Variants in ADCY9 observed in about 807,000 individuals in gnomAD.
ADCY9 encodes the protein adenylate cyclase type 9.
ADCY9 carries 50 observed loss-of-function variants against 101.5 expected under a neutral mutation model. The ratio of observed to expected loss-of-function variants is 0.49; its 90% CI spans 0.39 to 0.62. The LOEUF (loss-of-function observed/expected upper bound fraction) is 0.62. Ranked by LOEUF, ADCY9 falls within the 20% of genes least tolerant of loss-of-function variation. The pLI, the probability that ADCY9 is intolerant of heterozygous loss-of-function variation, is 0.00. For missense variants in ADCY9, 1,662 were observed against 1,800.4 expected, an observed-to-expected ratio of 0.92 and a Z score of 1.39; for synonymous variants, 905 against 769.3, an observed-to-expected ratio of 1.18 and a Z score of -2.92.
At chr16:3,987,652 AGGCTGACGGAAGGG>A (rs2056205034) in intron 6 of ADCY9, among the ~76,000 whole-genome samples, 1 of 152,190 alleles carries the variant, frequency 6.6e-6, no homozygotes, top group Admixed American at 6.5e-5. Flanking sequence ...TGTCCCTTGG[AGGCTGACGGAAGGG>A]GGCACCTCCC....
intron 2 of ADCY9, among the ~76,000 whole-genome samples, chr16:4,044,323 A>G (rs1436266952): frequency 2.0e-5 from 3 of 152,058 alleles, no homozygotes; most frequent in Non-Finnish European, 4.4e-5. Flanking sequence ...CTCCATCCTG[A>G]GCAACAGAGT....
chr16:4,041,941 T>TTG, intron 2 of ADCY9, among the ~76,000 whole-genome samples: 1 of 148,860 alleles, frequency 6.7e-6, no homozygotes, highest in African/African-American at 2.5e-5. Flanking sequence ...TTTTTTTTTT[T>TTG]GAGACGGAGT....
chr16:4,024,611 C>A (rs116858396), intron 2 of ADCY9, among the ~76,000 whole-genome samples: 2 of 152,126 alleles, frequency 1.3e-5, no homozygotes, highest in South Asian at 4.2e-4. Context: ...CGAATGGCTC[C>A]GGAGGTGTCA....
At chr16:4,088,795 T>C (rs1180952929) in intron 2 of ADCY9, among the ~76,000 whole-genome samples, 1 of 152,082 alleles carries the variant, frequency 6.6e-6, no homozygotes, top group Non-Finnish European at 1.5e-5. Flanking sequence ...GTCTGGTAGG[T>C]TCGCTTTTCA....
intron 3 of ADCY9, among the ~76,000 whole-genome samples, chr16:3,996,185 A>G (rs1597153442): frequency 6.6e-6 from 1 of 152,080 alleles, no homozygotes; most frequent in Non-Finnish European, 1.5e-5. Context: ...ACATAGGGAG[A>G]CCTTGTCTCT....
At chr16:4,021,535 G>C (rs984571144) in intron 2 of ADCY9, among the ~76,000 whole-genome samples, 1 of 152,174 alleles carries the variant, frequency 6.6e-6, no homozygotes, top group Non-Finnish European at 1.5e-5. Context: ...GCACACTGTA[G>C]ATACACGAGC....
chr16:3,993,332 C>G, intron 4 of ADCY9, 74 bp downstream of exon 4: 1 of 1,588,246 alleles, frequency 6.3e-7, no homozygotes, highest in Non-Finnish European at 8.6e-7. Context: ...AAGAAGTCGA[C>G]AAGACAGGAA....
chr16:3,987,346 A>G (rs879436529), intron 6 of ADCY9, among the ~76,000 whole-genome samples: 2 of 152,238 alleles, frequency 1.3e-5, no homozygotes, highest in African/African-American at 2.4e-5. Flanking sequence ...GGAGGAAGGC[A>G]TGGCAAAGGT....
At chr16:4,069,330 C>T (rs965282686) in intron 2 of ADCY9, among the ~76,000 whole-genome samples, 4 of 150,550 alleles carry the variant, frequency 2.7e-5, no homozygotes, top group African/African-American at 9.8e-5. Context: ...GCCCACCGCA[C>T]ACTAGCTGCA....
intron 10 of ADCY9, among the ~76,000 whole-genome samples, chr16:3,972,362 T>C (rs1390989131): frequency 6.6e-6 from 1 of 151,954 alleles, no homozygotes; most frequent in Non-Finnish European, 1.5e-5. Flanking sequence ...CCCGAGTAGC[T>C]GGGATTACAG....
chr16:3,957,777 T>G (rs1567408709), downstream of ADCY9, among the ~76,000 whole-genome samples: 1 of 151,996 alleles, frequency 6.6e-6, no homozygotes, highest in Non-Finnish European at 1.5e-5. Flanking sequence ...CCCCCGGGCG[T>G]CCTGAGCAGA....
At position 4,056,046 on chromosome 16, in the gene ADCY9, C is replaced by T. The variant is rs554768485; in HGVS notation, c.1694-48488G>A. The stretch of plus-strand genomic sequence containing the variant: ...ATAGACAGGCAGTGCTGGAAACACA[C>T]ATGCAGGGAGCTCCCAGCCGGTGTT... On this transcript the variant is annotated intron_variant, in intron 2 of 10. Coordinates refer to ENST00000294016, the MANE Select transcript of ADCY9 (RefSeq NM_001116.4). 5.3e-5 allele frequency among the ~76,000 whole-genome samples: 8 copies of T among 152,302 alleles called. 2 individuals are homozygous for T. Among genetic ancestry groups the T allele is most frequent in the African/African-American group, 1.9e-4 (8 of 41,576 alleles).
intron 2 of ADCY9, among the ~76,000 whole-genome samples, chr16:4,019,428 C>G (rs1436131243): frequency 6.6e-6 from 1 of 152,216 alleles, no homozygotes; most frequent in East Asian, 1.9e-4. Flanking sequence ...TTAAGAAAAT[C>G]CCATTGAAGT....
At chr16:4,000,767 G>A (rs1220093895) in intron 3 of ADCY9, among the ~76,000 whole-genome samples, 1 of 152,002 alleles carries the variant, frequency 6.6e-6, no homozygotes, top group Non-Finnish European at 1.5e-5. Context: ...GGCTGGTGAT[G>A]GCGATCCGAG....
chr16:4,001,378 G>A (rs570165823), intron 3 of ADCY9, among the ~76,000 whole-genome samples: 17 of 152,316 alleles, frequency 1.1e-4, no homozygotes, highest in African/African-American at 3.6e-4. Flanking sequence ...CTTTCTCAGA[G>A]CAGACTGAGG....
chr16:3,998,655 G>A (rs1314863291), intron 3 of ADCY9, among the ~76,000 whole-genome samples: 1 of 136,178 alleles, frequency 7.3e-6, no homozygotes, highest in Non-Finnish European at 1.5e-5. Context: ...GTTCCAGTGA[G>A]CCGAGATGGT....
exon 6 of ADCY9, chr16:3,953,459 C>A (rs1220892590): frequency 6.7e-6 from 1 of 148,310 alleles, no homozygotes; most frequent in Admixed American, 6.6e-5. Context: ...CACGGCAACT[C>A]TCTTCCTGTG....
At chr16:4,050,798 C>A (rs142979319) in intron 2 of ADCY9, among the ~76,000 whole-genome samples, 1 of 151,668 alleles carries the variant, frequency 6.6e-6, no homozygotes, top group East Asian at 1.9e-4. Context: ...CGTGAACACA[C>A]CTAATACTTA....
At chr16:4,035,750 G>A (rs541585731) in intron 2 of ADCY9, among the ~76,000 whole-genome samples, 4 of 152,026 alleles carry the variant, frequency 2.6e-5, no homozygotes, top group African/African-American at 9.7e-5. Context: ...TGGAATCCCA[G>A]CACTTTGGGA....
Sources: gnomAD v4.1 joint callset for allele counts (sites outside exome capture counted in the v4.1 genomes callset) on GRCh38, gnomAD v4.1.1 for gene constraint, MANE v1.5 for transcripts, NCBI Gene and HGNC (gene_info 2026-07-23, HGNC 2026-07-21) for gene names.